The following SERAC1 variants were observed in gnomAD, a reference collection of about 807,000 sequenced individuals.
SERAC1 encodes protein SERAC1.
In SERAC1, 36 loss-of-function variants were observed where a neutral mutation model predicts 85.7. The observed-to-expected ratio is 0.42, with a 90% CI of 0.32 to 0.55. The LOEUF (loss-of-function observed/expected upper bound fraction) is 0.55, where lower values mean the gene tolerates loss of function less well. SERAC1 is among the 20% of genes least tolerant of loss of function. The pLI, the probability that SERAC1 is intolerant of heterozygous loss-of-function variation, is 0.11. For synonymous variants in SERAC1, 242 were observed against 265.3 expected (o/e 0.91, Z 0.85); for missense variants, 629 against 796.2 (o/e 0.79, Z 2.53).
chr6:158,157,947 C>T (rs1785394758), intron 2 of SERAC1, among the ~76,000 whole-genome samples: 1 of 152,132 alleles, frequency 6.6e-6, no homozygotes, highest in Non-Finnish European at 1.5e-5. Context: ...TCCTTGCTCA[C>T]CAGTGTATTC....
intron 9 of SERAC1, among the ~76,000 whole-genome samples, chr6:158,129,144 G>T (rs1026578136): frequency 1.3e-5 from 2 of 152,150 alleles, no homozygotes; most frequent in African/African-American, 4.8e-5. Context: ...TATATTCCAT[G>T]CACTGTCCTT....
intron 9 of SERAC1, among the ~76,000 whole-genome samples, chr6:158,129,812 T>C (rs1012179812): frequency 6.6e-6 from 1 of 151,794 alleles, no homozygotes; most frequent in Non-Finnish European, 1.5e-5. Context: ...TTCTCCTGCC[T>C]CAGCCTCCAA....
chr6:158,131,439 T>G (rs1444728069), intron 8 of SERAC1, among the ~76,000 whole-genome samples: 1 of 145,204 alleles, frequency 6.9e-6, no homozygotes, highest in African/African-American at 2.5e-5. Flanking sequence ...AGAGGCATAT[T>G]TCTAAATATA....
chr6:158,132,011 G>A (rs547025913), intron 8 of SERAC1, among the ~76,000 whole-genome samples: 1 of 152,064 alleles, frequency 6.6e-6, no homozygotes, highest in Non-Finnish European at 1.5e-5. Flanking sequence ...TGTAGAGAGA[G>A]AGAGTGTGTG....
chr6:158,130,690 C>T lies in SERAC1; in HGVS notation c.739-204G>A, dbSNP rs574380686. Among the ~76,000 whole-genome samples, 10 of 152,254 alleles carry T rather than the reference C, an allele frequency of 6.6e-5. No homozygotes were observed. The East Asian group carries it at 7.7e-4, about 12-fold the overall frequency. On this transcript the variant is annotated intron_variant, in intron 8 of 16. Coordinates refer to ENST00000647468, the MANE Select transcript of SERAC1 (RefSeq NM_032861.4). Reference sequence around the variant, plus strand: ...AACATACAAATTATTCCAAGAAGAGCGCAACCTGTGTCCTCGTCAAGTCTC... The same window carrying T: ...AACATACAAATTATTCCAAGAAGAGTGCAACCTGTGTCCTCGTCAAGTCTC...
intron 5 of SERAC1, 86 bp from the exon 6 acceptor site, chr6:158,146,999 G>A: frequency 2.9e-6 from 4 of 1,373,154 alleles, no homozygotes; most frequent in Non-Finnish European, 4.0e-6. Context: ...TATAAACACT[G>A]AAATCTACAA....
At chr6:158,148,237 T>C (rs1309104978) in intron 5 of SERAC1, among the ~76,000 whole-genome samples, 1 of 152,212 alleles carries the variant, frequency 6.6e-6, no homozygotes, top group Non-Finnish European at 1.5e-5. Context: ...ATTAACCTGA[T>C]TGTGAAATCT....
At position 158,110,478 on chromosome 6, in the gene SERAC1, AAAG is replaced by A. The variant is rs1784119113; in HGVS notation, c.*885_*887del. 6.6e-6 allele frequency: 1 copy of A among 152,204 alleles called. No individual in the cohort carries two copies. Among genetic ancestry groups the A allele is most frequent in the African/African-American group, 2.4e-5 (1 of 41,454 alleles). 9.4% of individuals were successfully genotyped at this position (152,204 alleles called of 1,614,324 possible). A position where few individuals can be genotyped will look rare whatever the true frequency, so the allele number is the denominator to read the frequency against. On this transcript the variant is annotated 3_prime_UTR_variant, in exon 17 of 17. Transcript: ENST00000647468. ...TATATCTCAATAATGCTGTTACTCT[AAAG>A]AAAAAAAGGTCATCGACATGATTAT...
rs113721588 is a variant in SERAC1, at chr6:158,115,011, T to C, written c.1502-40A>G. On this transcript the variant is annotated intron_variant, in intron 14 of 16. Transcript: ENST00000647468. ...GGGAAAAAAACAATGCATAAGCTAT[T>C]TTCCTTCCCTTTATTACTGTAAAAA... 4.6e-5 allele frequency: 72 copies of C among 1,567,890 alleles called. No homozygotes were observed. The African/African-American group carries it at 8.2e-4, about 18-fold the overall frequency.
chr6:158,152,978 G>T (rs776370143), intron 3 of SERAC1: 2 of 151,952 alleles, frequency 1.3e-5, no homozygotes, highest in Admixed American at 6.6e-5. Context: ...TACACATTTC[G>T]GCTTACAAAT....
chr6:158,138,229 T>A (rs1308126460), intron 8 of SERAC1, among the ~76,000 whole-genome samples: 1 of 152,066 alleles, frequency 6.6e-6, no homozygotes, highest in Admixed American at 6.6e-5. Flanking sequence ...GGTCAGGAGT[T>A]CGAGACCAGC....
At chr6:158,112,334 G>A (rs1467350040) in intron 16 of SERAC1, 7 of 152,308 alleles carry the variant, frequency 4.6e-5, no homozygotes, top group Admixed American at 4.6e-4. Flanking sequence ...GAACGCTTGA[G>A]CCCAGGAGTT....
chr6:158,111,321 T>C lies in SERAC1; in HGVS notation c.*45A>G. On this transcript the variant is annotated 3_prime_UTR_variant, in exon 17 of 17. Coordinates refer to ENST00000647468, the MANE Select transcript of SERAC1 (RefSeq NM_032861.4). ...TTAAAAGAAGAAACAGAACACCAAG[T>C]TTCTTGCACTGAATTCACATATGAA... 6.6e-7 allele frequency: 1 copy of C among 1,522,950 alleles called. No individual in the cohort carries two copies. The highest frequency in any genetic ancestry group is 2.3e-5 in the East Asian group (1 of 43,948). 94.3% of individuals were successfully genotyped at this position (1,522,950 alleles called of 1,614,324 possible). A position where few individuals can be genotyped will look rare whatever the true frequency, so the allele number is the denominator to read the frequency against.
chr6:158,146,462 G>A (rs915665070), intron 6 of SERAC1: 28 of 134,206 alleles, frequency 2.1e-4, no homozygotes, highest in Admixed American at 5.8e-4. Context: ...AGGCTGGAGT[G>A]CAGTGGCGCA....
intron 8 of SERAC1, among the ~76,000 whole-genome samples, chr6:158,142,212 G>A (rs1375737314): frequency 1.3e-5 from 2 of 151,866 alleles, no homozygotes; most frequent in African/African-American, 4.8e-5. Context: ...CCAGGCTGGA[G>A]TGCAGTGGCA....
Position 158,158,273 on chromosome 6 carries a change from T to C in SERAC1, c.91A>G (p.Arg31Gly), listed in dbSNP as rs146896149. Residue 31 changes from arginine (R) to glycine (G), a missense_variant and splice_region_variant, in exon 2 of 17, where the codon AGA becomes GGA. Transcript: ENST00000647468. The part of the protein sequence containing the change: ...PKSGTHWRDI[R>G]NIIKFTGSLI... ...TAAGAGTTGTTTAAGCTGTACTCAC[T>C]GATATCTCTCCAGTGTGTGCCACTT... is the stretch of plus-strand genomic sequence containing the variant. 7.1e-5 allele frequency: 113 copies of C among 1,599,634 alleles called. No homozygotes were observed. The African/African-American group carries it at 9.6e-4, about 14-fold the overall frequency.
Position 158,144,330 on chromosome 6 carries a change from A to C in SERAC1, c.578T>G (p.Leu193Arg), listed in dbSNP as rs762206621. 3 of 1,612,886 alleles carry C rather than the reference A, an allele frequency of 1.9e-6. No homozygotes were observed. The South Asian group carries it at 3.3e-5, about 18-fold the overall frequency. ...RSEESDLRFF[L>R]LPPPLPSLKE... is the part of the protein sequence containing the mutation. Reference sequence around the variant, plus strand: ...TAAAGATGGCAAAGGAGGTGGTAGGAGAAAAAAGCGAAGATCACTCTCTTC... The same window carrying C: ...TAAAGATGGCAAAGGAGGTGGTAGGCGAAAAAAGCGAAGATCACTCTCTTC... The change falls in exon 7 of 17, where the codon CTC (leucine) becomes CGC (arginine). Residue 193 changes from leucine (L) to arginine (R), a missense_variant. Coordinates refer to ENST00000647468, the MANE Select transcript of SERAC1 (RefSeq NM_032861.4).
chr6:158,138,657 AC>A (rs1784851417), intron 8 of SERAC1, among the ~76,000 whole-genome samples: 1 of 151,976 alleles, frequency 6.6e-6, no homozygotes, highest in Admixed American at 6.6e-5. Context: ...AGTACACAAG[AC>A]CCTGTCTATA....
intron 15 of SERAC1, 103 bp downstream of exon 15, chr6:158,114,686 A>ACTT: frequency 2.2e-6 from 1 of 452,944 alleles, no homozygotes; most frequent in Non-Finnish European, 3.0e-6. Flanking sequence ...ATTATATACA[A>ACTT]ATTATAAAAT....
Sources: gnomAD v4.1 joint callset for allele counts (sites outside exome capture counted in the v4.1 genomes callset) on GRCh38, gnomAD v4.1.1 for gene constraint, MANE v1.5 for transcripts, NCBI Gene and HGNC (gene_info 2026-07-23, HGNC 2026-07-21) for gene names.